DENND1A: variants seen among roughly 807,000 people sequenced by gnomAD.
The protein encoded by DENND1A is DENN domain-containing protein 1A.
DENND1A carries 51 observed loss-of-function variants against 113.7 expected under a neutral mutation model. That is an observed-to-expected ratio of 0.45 (90% CI 0.36 to 0.57). DENND1A has a LOEUF of 0.57. Among genes scored for constraint, DENND1A ranks in the 20% least tolerant of loss-of-function variants. The pLI is 0.00. For missense variants in DENND1A, 1,258 were observed against 1,395.9 expected (o/e 0.90, Z 1.57); for synonymous variants, 565 against 570.8 (o/e 0.99, Z 0.14).
intron 9 of DENND1A, among the ~76,000 whole-genome samples, chr9:123,642,981 C>T (rs2139119668): frequency 1.3e-5 from 2 of 152,188 alleles, no homozygotes; most frequent in Admixed American, 6.5e-5. Flanking sequence ...CACAAACTGG[C>T]CCTTTCTTAG....
chr9:123,916,269 T>C (rs1401734758), intron 1 of DENND1A, among the ~76,000 whole-genome samples: 1 of 151,978 alleles, frequency 6.6e-6, no homozygotes, highest in Admixed American at 6.6e-5. Flanking sequence ...TTACAGGATA[T>C]ATTATAAAAT....
intron 20 of DENND1A, among the ~76,000 whole-genome samples, chr9:123,406,224 G>T (rs1368558000): frequency 1.3e-5 from 2 of 152,222 alleles, no homozygotes; most frequent in Non-Finnish European, 2.9e-5. Context: ...TTCCTGTGGA[G>T]TGGCCAGTCT....
chr9:123,777,530 C>T (rs1317270840), intron 3 of DENND1A, among the ~76,000 whole-genome samples: 1 of 152,176 alleles, frequency 6.6e-6, no homozygotes, highest in Non-Finnish European at 1.5e-5. Flanking sequence ...TTTTGTAAGT[C>T]TTAGTGCTAA....
chr9:123,464,755 T>A (rs563889534), intron 13 of DENND1A, among the ~76,000 whole-genome samples: 1 of 151,614 alleles, frequency 6.6e-6, no homozygotes, highest in African/African-American at 2.4e-5. Context: ...AATTAAAACT[T>A]TTTTTTTAAC....
chr9:123,921,989 T>C lies in DENND1A; in HGVS notation c.17+7900A>G, dbSNP rs541258321. Among the ~76,000 whole-genome samples, 3 of 152,094 alleles carry C rather than the reference T, an allele frequency of 2.0e-5. No individual in the cohort carries two copies. The South Asian group carries it at 6.2e-4, about 32-fold the overall frequency. On this transcript the variant is annotated intron_variant, in intron 1 of 23. Coordinates refer to ENST00000394215, the MANE Select transcript of DENND1A (RefSeq NM_001352964.2). ...CAGGCTGGAATGCAGTGGCGTGATCTTGACTCACTGCAACCTCCGTCTCCT... is the reference window on the plus strand; with the variant it reads ...CAGGCTGGAATGCAGTGGCGTGATCCTGACTCACTGCAACCTCCGTCTCCT...
At chr9:123,528,682 C>T (rs762322144) in intron 13 of DENND1A, among the ~76,000 whole-genome samples, 4 of 152,208 alleles carry the variant, frequency 2.6e-5, no homozygotes, top group Admixed American at 6.5e-5. Flanking sequence ...TCCCTGCCTC[C>T]AGAAAGGGAA....
rs531565800 is a variant in DENND1A at position 123,698,754 on chromosome 9, A to G, written c.303-21965T>C. On this transcript the variant is annotated intron_variant, in intron 5 of 23. Transcript: ENST00000394215. ...TTTGGCTCAAGCCACTGGCAACCAA[A>G]AGAACAGCTTGGCAGTTTGTGCACT... 4.1e-4 allele frequency among the ~76,000 whole-genome samples: 62 copies of G among 152,294 alleles called. 1 individual carries two copies. Among genetic ancestry groups the G allele is most frequent in the Non-Finnish European group, 5.7e-4 (39 of 68,012 alleles).
intron 13 of DENND1A, among the ~76,000 whole-genome samples, chr9:123,519,778 C>A (rs1186083608): frequency 1.3e-5 from 2 of 152,058 alleles, no homozygotes; most frequent in Admixed American, 6.5e-5. Flanking sequence ...TGGGCTGGAG[C>A]AGAGGCATGG....
In DENND1A at chr9:123,711,535, AT is replaced by A. The variant is rs2066634887; in HGVS notation, c.303-34747del. On this transcript the variant is annotated intron_variant, in intron 5 of 23. Coordinates refer to ENST00000394215, the MANE Select transcript of DENND1A (RefSeq NM_001352964.2). ...TATGTATATATATATATATATATAT[AT>A]ATAAATTCAACAAAGCAATGTCTTT... 6.9e-5 allele frequency among the ~76,000 whole-genome samples: 10 copies of A among 145,084 alleles called. No homozygotes were observed. The South Asian group carries it at 1.5e-3, about 22-fold the overall frequency.
chr9:123,414,319 AC>A (rs2044547047), intron 19 of DENND1A: 1 of 1,405,958 alleles, frequency 7.1e-7, no homozygotes, highest in Non-Finnish European at 9.2e-7. Context: ...AGCAACCATT[AC>A]CATCAGCAGG....
rs183338492 is a variant in DENND1A at position 123,501,560 on chromosome 9, T to C, written c.994-43663A>G. Among the ~76,000 whole-genome samples the C allele has an allele frequency of 2.0e-5, 3 of 152,346 alleles. No individual in the cohort carries two copies. In the East Asian group the frequency reaches 5.8e-4, roughly 29 times the overall value. On this transcript the variant is annotated intron_variant, in intron 13 of 23. Transcript: ENST00000394215. ...ATCATACTGTTTTCCACAGCAGCCA[T>C]ACAATTTTACATTCCCATCAACAGT... is the stretch of plus-strand genomic sequence containing the variant.
intron 2 of DENND1A, chr9:123,843,778 A>G (rs1842172851): frequency 6.5e-6 from 1 of 153,332 alleles, no homozygotes; most frequent in African/African-American, 2.4e-5. Context: ...CCATTACAGC[A>G]CTGTGTTTTA....
At chr9:123,676,280 T>C (rs2064071662) in intron 6 of DENND1A, among the ~76,000 whole-genome samples, 1 of 152,214 alleles carries the variant, frequency 6.6e-6, no homozygotes, top group South Asian at 2.1e-4. Context: ...AAATGGGAAC[T>C]CAGGACAGCT....
At chr9:123,494,436 C>T (rs950106629) in intron 13 of DENND1A, among the ~76,000 whole-genome samples, 1 of 152,244 alleles carries the variant, frequency 6.6e-6, no homozygotes, top group South Asian at 2.1e-4. Flanking sequence ...ACAACTGAGG[C>T]CAAATGACTT....
chr9:123,596,220 T>A (rs944481236), intron 11 of DENND1A, among the ~76,000 whole-genome samples: 2 of 152,194 alleles, frequency 1.3e-5, no homozygotes. Flanking sequence ...CTAAACCCCA[T>A]GCCAAGCACA....
intron 21 of DENND1A, among the ~76,000 whole-genome samples, chr9:123,398,312 T>C (rs1161453186): frequency 2.6e-5 from 4 of 152,094 alleles, no homozygotes; most frequent in Non-Finnish European, 4.4e-5. Flanking sequence ...TGTGCCATCA[T>C]GAGGGGCCCG....
intron 13 of DENND1A, among the ~76,000 whole-genome samples, chr9:123,533,225 G>A (rs1554860844): frequency 6.6e-6 from 1 of 152,216 alleles, no homozygotes; most frequent in Non-Finnish European, 1.5e-5. Flanking sequence ...TCTGTGCCAA[G>A]CACATAGAAG....
chr9:123,428,631 A>G (rs2045915921), intron 19 of DENND1A, among the ~76,000 whole-genome samples: 1 of 152,248 alleles, frequency 6.6e-6, no homozygotes, highest in Admixed American at 6.5e-5. Flanking sequence ...TGCAGATGAC[A>G]TGATCCTATA....
intron 13 of DENND1A, among the ~76,000 whole-genome samples, chr9:123,489,071 T>TACAC (rs144964204): frequency 1.7e-4 from 25 of 149,738 alleles, no homozygotes; most frequent in Admixed American, 6.7e-4. Flanking sequence ...TTCCCTCTGT[T>TACAC]ACACACACAC....
Sources: allele counts gnomAD v4.1 joint callset (sites outside exome capture counted in the v4.1 genomes callset), GRCh38; gene constraint gnomAD v4.1.1; transcripts MANE v1.5; gene names NCBI Gene and HGNC (gene_info 2026-07-23, HGNC 2026-07-21).